The following EFCC1 variants were observed in gnomAD, a reference collection of about 807,000 sequenced individuals.
EFCC1 encodes EF-hand and coiled-coil domain containing 1.
EFCC1 carries 50 observed loss-of-function variants against 52.1 expected under a neutral mutation model. The observed-to-expected ratio is 0.96, with a 90% CI of 0.76 to 1.21. The LOEUF is 1.21. Among genes scored for constraint, EFCC1 ranks in the 50% most tolerant of loss-of-function variants. EFCC1 has a pLI of 0.00. For missense variants in EFCC1, 837 were observed against 867.3 expected (o/e 0.97, Z 0.44); for synonymous variants, 399 against 396.5 (o/e 1.01, Z -0.08).
At chr3:129,029,751 A>G (rs1946231071) in intron 2 of EFCC1, among the ~76,000 whole-genome samples, 2 of 151,380 alleles carry the variant, frequency 1.3e-5, no homozygotes, top group Non-Finnish European at 2.9e-5. Flanking sequence ...CACCCAGCTA[A>G]TTTTTATATT....
In EFCC1 at chr3:129,002,305, C is replaced by T. The variant is rs1389695809; in HGVS notation, c.677C>T (p.Ala226Val). The T allele has an allele frequency of 2.0e-6, 3 of 1,525,634 alleles. No individual in the cohort carries two copies. The South Asian group carries it at 3.6e-5, about 18-fold the overall frequency. 94.5% of individuals were successfully genotyped at this position (1,525,634 alleles called of 1,614,324 possible). Reference protein sequence around the residue: ...DLRAALQSSDARCLALQVGLW... With the variant: ...DLRAALQSSDVRCLALQVGLW... ...CGCGCCGCGCTGCAGAGCAGTGATG[C>T]GCGCTGCCTAGCACTGCAGGTGCGC... Residue 226 changes from alanine to valine, a missense_variant, in exon 1 of 8, where the codon GCG becomes GTG. Coordinates refer to ENST00000683648, the MANE Select transcript of EFCC1 (RefSeq NM_001377500.1).
chr3:129,024,314 T>G (rs1365255486), intron 2 of EFCC1, among the ~76,000 whole-genome samples: 1 of 152,068 alleles, frequency 6.6e-6, no homozygotes, highest in Admixed American at 6.6e-5. Flanking sequence ...GGCAGATCAC[T>G]TGAGGCCAGG....
chr3:129,032,475 T>C (rs1461295018), intron 3 of EFCC1, among the ~76,000 whole-genome samples: 1 of 150,606 alleles, frequency 6.6e-6, no homozygotes, highest in East Asian at 2.0e-4. Flanking sequence ...ATCACACCAC[T>C]GCACTCCAGC....
At chr3:129,036,701 T>C (rs1946357773) in intron 5 of EFCC1, among the ~76,000 whole-genome samples, 1 of 152,260 alleles carries the variant, frequency 6.6e-6, no homozygotes, top group African/African-American at 2.4e-5. Flanking sequence ...ATTTCCTCTC[T>C]GTGTAAGCTA....
intron 2 of EFCC1, among the ~76,000 whole-genome samples, chr3:129,026,205 C>G: frequency 6.6e-6 from 1 of 152,224 alleles, no homozygotes; most frequent in East Asian, 1.9e-4. Flanking sequence ...CTGGAGCAGG[C>G]TTTCTAAGAC....
chr3:129,015,420 G>C (rs973236871), intron 2 of EFCC1, among the ~76,000 whole-genome samples: 4 of 149,862 alleles, frequency 2.7e-5, no homozygotes, highest in African/African-American at 5.0e-5. Context: ...CTGCTCCTTC[G>C]GGGGGGGAGG....
chr3:129,026,719 C>G (rs1329364371), intron 2 of EFCC1, among the ~76,000 whole-genome samples: 1 of 152,122 alleles, frequency 6.6e-6, no homozygotes, highest in Non-Finnish European at 1.5e-5. Flanking sequence ...AGGCTGTAGT[C>G]TGGAGCCTGT....
intron 6 of EFCC1, 81 bp from the exon 7 acceptor site, chr3:129,038,750 C>A: frequency 1.4e-6 from 2 of 1,435,136 alleles, no homozygotes; most frequent in Admixed American, 1.7e-5. Context: ...CCTAGAAGCC[C>A]GTAGGGGCCA....
chr3:129,028,399 TAAAAA>T (rs1029761622), intron 2 of EFCC1, among the ~76,000 whole-genome samples: 1 of 151,924 alleles, frequency 6.6e-6, no homozygotes, highest in South Asian at 2.1e-4. Flanking sequence ...ATTTCATTCT[TAAAAA>T]AAATAATCTC....
At chr3:129,036,760 A>T (rs565076087) in intron 5 of EFCC1, among the ~76,000 whole-genome samples, 1 of 152,358 alleles carries the variant, frequency 6.6e-6, no homozygotes, top group Non-Finnish European at 1.5e-5. Context: ...TGTTTGAAAG[A>T]AACAAAACCA....
intron 2 of EFCC1, among the ~76,000 whole-genome samples, chr3:129,008,390 A>G (rs113443101): frequency 4.6e-4 from 70 of 152,180 alleles, no homozygotes; most frequent in African/African-American, 1.7e-3. Context: ...CCTCTTCTTG[A>G]TTTTGACTTT....
At chr3:129,003,604 G>GGATGTGGC (rs1249078164) in intron 1 of EFCC1, among the ~76,000 whole-genome samples, 190 bp from the exon 2 acceptor site, 1 of 152,200 alleles carries the variant, frequency 6.6e-6, no homozygotes, top group Non-Finnish European at 1.5e-5. Flanking sequence ...GCCTCCCTGG[G>GGATGTGGC]GATGTGGCGA....
At position 129,001,743 on chromosome 3, in the gene EFCC1, G is replaced by A. The variant is rs1294862968; in HGVS notation, c.115G>A (p.Gly39Arg). ...WLLSALAHHY[G>R]LDRGVENEIV... ...GCTGAGCGCCCTGGCGCACCACTAC[G>A]GGCTGGACCGCGGCGTGGAGAACGA... The change falls in exon 1 of 8, where the codon GGG becomes AGG. Residue 39 changes from glycine to arginine, a missense_variant. Physicochemically the swap from Gly to Arg is moderately radical, Grantham distance 125. Coordinates refer to ENST00000683648, the MANE Select transcript of EFCC1 (RefSeq NM_001377500.1). 1.9e-6 allele frequency: 3 copies of A among 1,540,274 alleles called. No individual in the cohort carries two copies. Among genetic ancestry groups the A allele is most frequent in the Admixed American group, 2.0e-5 (1 of 50,724 alleles).
intron 6 of EFCC1, among the ~76,000 whole-genome samples, chr3:129,038,318 G>T (rs924522473): frequency 5.3e-5 from 8 of 152,132 alleles, no homozygotes; most frequent in Non-Finnish European, 1.2e-4. Flanking sequence ...CCTGGGGATG[G>T]GCCCCAAGAG....
At chr3:129,033,285 C>T (rs889453889) in intron 4 of EFCC1, among the ~76,000 whole-genome samples, 6 of 152,162 alleles carry the variant, frequency 3.9e-5, no homozygotes, top group African/African-American at 7.2e-5. Flanking sequence ...CATCACCCCT[C>T]GCCACACACC....
rs545281596 is a variant in EFCC1 at position 129,014,387 on chromosome 3, G to A, written c.980+10310G>A. Among the ~76,000 whole-genome samples, 5 of 152,176 alleles carry A rather than the reference G, an allele frequency of 3.3e-5. No homozygotes were observed. The highest frequency in any genetic ancestry group is 7.3e-5 in the Non-Finnish European group (5 of 68,036). On this transcript the variant is annotated intron_variant, in intron 2 of 7. Coordinates refer to ENST00000683648, the MANE Select transcript of EFCC1 (RefSeq NM_001377500.1). This position sits in a 1 kb window ranked among gnomAD's most constrained non-coding sequence, Gnocchi z 4.3. ...TGGAGGCTGACCAGAGTGCGGTGTC[G>A]CAGCGTTGGCTTCTCCTGCGGCCTC...
At chr3:129,013,955 G>GTTGGGGT (rs1945451617) in intron 2 of EFCC1, among the ~76,000 whole-genome samples, 1 of 152,200 alleles carries the variant, frequency 6.6e-6, no homozygotes. Context: ...CTGTCAGAAT[G>GTTGGGGT]TGCTCTGAGT....
intron 2 of EFCC1, among the ~76,000 whole-genome samples, chr3:129,029,585 G>GT (rs71843371): frequency 0.52 from 76,871 of 148,064 alleles, 21,051 homozygotes; most frequent in African/African-American, 0.7. Flanking sequence ...TTGTTTTTTG[G>GT]TTTTTTTTTT....
chr3:129,036,032 G>T (rs184700842), intron 5 of EFCC1, among the ~76,000 whole-genome samples: 1 of 152,204 alleles, frequency 6.6e-6, no homozygotes, highest in Non-Finnish European at 1.5e-5. Flanking sequence ...CTCCACCACC[G>T]CTCTGGTTTC....
Sources: allele counts gnomAD v4.1 joint callset (sites outside exome capture counted in the v4.1 genomes callset), GRCh38; gene constraint gnomAD v4.1.1; non-coding constraint Gnocchi (gnomAD v3.1); transcripts MANE v1.5; gene names NCBI Gene and HGNC (gene_info 2026-07-23, HGNC 2026-07-21).